The following UGT1A3 variants were observed in gnomAD, a reference collection of about 807,000 sequenced individuals.
UGT1A3 encodes UDP glucuronosyltransferase family 1 member A3.
UGT1A3 carries 31 observed loss-of-function variants against 41.0 expected under a neutral mutation model. The ratio of observed to expected loss-of-function variants is 0.76; its 90% CI spans 0.57 to 1.02. The LOEUF (loss-of-function observed/expected upper bound fraction) is 1.02. Ranked by LOEUF, UGT1A3 falls within the 50% of genes least tolerant of loss-of-function variation. The pLI is 0.00. For missense variants in UGT1A3, 737 were observed against 671.0 expected (o/e 1.10, Z -1.09); for synonymous variants, 262 against 257.6 (o/e 1.02, Z -0.17).
chr2:233,771,304 C>T (rs1274088915), intron 4 of UGT1A3: 1 of 152,118 alleles, frequency 6.6e-6, no homozygotes, highest in Non-Finnish European at 1.5e-5. Flanking sequence ...CTTCCTCCTC[C>T]TTTTCCCTCT....
chr2:233,763,099 C>A (rs1698236353), intron 1 of UGT1A3, among the ~76,000 whole-genome samples: 3 of 152,172 alleles, frequency 2.0e-5, no homozygotes. Flanking sequence ...AGGAGAGGCA[C>A]CGAACTTTAT....
rs926387515 is a variant in UGT1A3 at position 233,772,265 on chromosome 2, C to T, written c.1311C>T (p.Tyr437=). ...ACGAAACTGTCTTTGTGTTTAGTTA[C>T]AAGGAGAACATCATGCGCCTCTCCA... ...ALKAVINDKS[Y]KENIMRLSSL... The change falls in exon 5 of 5, where the codon TAC becomes TAT. Residue 437 remains tyrosine, a synonymous_variant. Coordinates refer to ENST00000482026, the MANE Select transcript of UGT1A3 (RefSeq NM_019093.4). 4 of 1,614,232 alleles carry T rather than the reference C, an allele frequency of 2.5e-6. No homozygotes were observed. The Admixed American group carries it at 6.7e-5, about 27-fold the overall frequency.
chr2:233,768,900 A>G (rs972191736), intron 4 of UGT1A3, among the ~76,000 whole-genome samples: 23 of 152,184 alleles, frequency 1.5e-4, no homozygotes, highest in African/African-American at 5.1e-4. Flanking sequence ...TATAAATAAG[A>G]TAATTTAGAG....
At position 233,767,086 on chromosome 2, in the gene UGT1A3, C is replaced by A. The variant is rs1169717734; in HGVS notation, c.920C>A (p.Ser307Tyr). 2 of 1,614,008 alleles carry A rather than the reference C, an allele frequency of 1.2e-6. No individual in the cohort carries two copies. Among genetic ancestry groups the A allele is most frequent in the Non-Finnish European group, 1.7e-6 (2 of 1,180,008 alleles). Residue 307 changes from serine (S) to tyrosine (Y), a missense_variant, in exon 2 of 5, where the codon TCT becomes TAT. Coordinates refer to ENST00000482026, the MANE Select transcript of UGT1A3 (RefSeq NM_019093.4). ...ASGEHGIVVF[S>Y]LGSMVSEIPE... ...GGAGAACATGGAATTGTGGTTTTCT[C>A]TTTGGGATCAATGGTCTCAGAAATT...
chr2:233,744,538 A>C (rs4663967), intron 1 of UGT1A3, among the ~76,000 whole-genome samples: 82,778 of 151,254 alleles, frequency 0.55, 24,850 homozygotes, highest in African/African-American at 0.8. Context: ...TTTTATGTAA[A>C]TTTTATTAAG....
rs112628426 is a variant in UGT1A3 at position 233,767,948 on chromosome 2, G to A, written c.1087+12G>A. ...AAACGATCTGCTTGGTATGTTGGGC[G>A]GATTGGATGTATAGGTCAAACCAGG... On this transcript the variant is annotated intron_variant, in intron 3 of 4. Transcript: ENST00000482026. 87 of 1,614,164 alleles carry A rather than the reference G, an allele frequency of 5.4e-5. No individual in the cohort carries two copies. The highest frequency in any genetic ancestry group is 6.2e-5 in the Non-Finnish European group (73 of 1,180,040).
rs548179341 is a variant in UGT1A3 at position 233,739,425 on chromosome 2, G to A, written c.867+9432G>A. ...GCCACCCTCTGAAAGCAGCCAGGACGAGGGCTTTACCCTGCAAAGCCACAG... is the reference window on the plus strand; with the variant it reads ...GCCACCCTCTGAAAGCAGCCAGGACAAGGGCTTTACCCTGCAAAGCCACAG... On this transcript the variant is annotated intron_variant, in intron 1 of 4. Transcript: ENST00000482026. Among the ~76,000 whole-genome samples the A allele has an allele frequency of 5.9e-5, 9 of 152,320 alleles. No individual in the cohort carries two copies. The East Asian group carries it at 7.7e-4, about 13-fold the overall frequency.
At position 233,751,264 on chromosome 2, in the gene UGT1A3, CT is replaced by C. The variant is rs1248433988; in HGVS notation, c.868-15763del. Among the ~76,000 whole-genome samples the C allele has an allele frequency of 2.6e-5, 4 of 151,986 alleles. No homozygotes were observed. The East Asian group carries it at 7.7e-4, about 29-fold the overall frequency. On this transcript the variant is annotated intron_variant, in intron 1 of 4. Coordinates refer to ENST00000482026, the MANE Select transcript of UGT1A3 (RefSeq NM_019093.4). ...GGACTTGCATGGGGCCTGTAGCCCC[CT>C]TTTTTTGGCCAGTTTCTCCCATTTG...
rs28900406 is a variant in UGT1A3, at chr2:233,772,385, C to T, written c.1431C>T (p.Pro477=). Residue 477 remains proline (P), a synonymous_variant, in exon 5 of 5, where the codon CCC becomes CCT. Transcript: ENST00000482026. ...MRHKGAPHLR[P]AAHDLTWYQY... ...ACAAGGGCGCGCCACACCTGCGCCC[C>T]GCAGCCCACGACCTCACCTGGTACC... The T allele has an allele frequency of 7.5e-4, 1,213 of 1,614,246 alleles. 13 individuals are homozygous for T. The African/African-American group carries it at 0.014, about 19-fold the overall frequency.
rs61729911 is a variant in UGT1A3 at position 233,743,597 on chromosome 2, T to C, written c.867+13604T>C. 389 of 1,367,326 alleles carry C rather than the reference T, an allele frequency of 2.8e-4. 8 individuals carry two copies. The African/African-American group carries it at 4.3e-3, about 15-fold the overall frequency. 84.7% of individuals were successfully genotyped at this position (1,367,326 alleles called of 1,614,324 possible). A position where few individuals can be genotyped will look rare whatever the true frequency, so the allele number is the denominator to read the frequency against. On this transcript the variant is annotated intron_variant, in intron 1 of 4. Transcript: ENST00000482026. Reference sequence around the variant, plus strand: ...CAAGAGGTCAAAGGAGAATGGGTCCTGGCCGCCGAAGAACTCCCTGAAGAC... The same window carrying C: ...CAAGAGGTCAAAGGAGAATGGGTCCCGGCCGCCGAAGAACTCCCTGAAGAC...
At chr2:233,741,258 T>C (rs1466161832) in intron 1 of UGT1A3, among the ~76,000 whole-genome samples, 3 of 151,876 alleles carry the variant, frequency 2.0e-5, no homozygotes, top group African/African-American at 7.3e-5. Context: ...ATGCCACTCT[T>C]TGCTGACCAC....
intron 1 of UGT1A3, chr2:233,760,931 T>C (rs1360622092): frequency 4.3e-6 from 7 of 1,614,090 alleles, no homozygotes; most frequent in South Asian, 2.2e-5. Flanking sequence ...AACATGCTCA[T>C]TGCCTTTTCA....
chr2:233,749,529 C>T (rs575946575), intron 1 of UGT1A3, among the ~76,000 whole-genome samples: 6 of 151,916 alleles, frequency 3.9e-5, no homozygotes, highest in African/African-American at 9.7e-5. Context: ...GGCTAATTTT[C>T]GAGTGTGGTA....
chr2:233,767,992 C>T, intron 3 of UGT1A3, 56 bp downstream of exon 3: 1 of 1,614,084 alleles, frequency 6.2e-7, no homozygotes, highest in South Asian at 1.1e-5. Flanking sequence ...AAGAAAATGG[C>T]TTAAGCACAG....
rs543813427 is a variant in UGT1A3, at chr2:233,762,081, T to A, written c.868-4953T>A. Among the ~76,000 whole-genome samples, 15 of 152,334 alleles carry A rather than the reference T, an allele frequency of 9.8e-5. No homozygotes were observed. In the South Asian group the frequency reaches 3.1e-3, roughly 32 times the overall value. On this transcript the variant is annotated intron_variant, in intron 1 of 4. Transcript: ENST00000482026. ...TAGCACATCAAATATGGCAGCCATT[T>A]CACTTAGATAGTTGTTGATTGTCCG...
At chr2:233,735,161 A>C (rs139257330) in intron 1 of UGT1A3, among the ~76,000 whole-genome samples, 2,795 of 152,264 alleles carry the variant, frequency 0.018, 41 homozygotes, top group Non-Finnish European at 0.028. Context: ...GTCTCTGTGT[A>C]GGTCTCTAAG....
At position 233,729,923 on chromosome 2, in the gene UGT1A3, C is replaced by T. The variant is rs760546149; in HGVS notation, c.797C>T (p.Pro266Leu). The T allele has an allele frequency of 3.7e-6, 6 of 1,614,016 alleles. No individual in the cohort carries two copies. Among genetic ancestry groups the T allele is most frequent in the Non-Finnish European group, 5.1e-6 (6 of 1,179,914 alleles). Residue 266 changes from proline to leucine, a missense_variant, in exon 1 of 5, where the codon CCC becomes CTC. By Grantham distance (98) the Pro-to-Leu change is moderately conservative. Coordinates refer to ENST00000482026, the MANE Select transcript of UGT1A3 (RefSeq NM_019093.4). Reference protein sequence around the residue: ...LFRGDFVMDYPRPIMPNMVFI... With the variant: ...LFRGDFVMDYLRPIMPNMVFI... Reference sequence around the variant, plus strand: ...CGAGGGGACTTTGTGATGGACTACCCCAGGCCAATCATGCCCAACATGGTC... The same window carrying T: ...CGAGGGGACTTTGTGATGGACTACCTCAGGCCAATCATGCCCAACATGGTC...
chr2:233,754,698 G>A (rs1338338783), intron 1 of UGT1A3: 2 of 506,588 alleles, frequency 3.9e-6, no homozygotes, highest in African/African-American at 2.0e-5. Context: ...AGTGGAAGTC[G>A]ACATGGACTT....
chr2:233,752,292 T>A (rs1364554395), intron 1 of UGT1A3: 1 of 152,220 alleles, frequency 6.6e-6, no homozygotes, highest in Non-Finnish European at 1.5e-5. Flanking sequence ...CACAGGGTCA[T>A]GCCTTTCCTT....
Sources: allele counts gnomAD v4.1 joint callset (sites outside exome capture counted in the v4.1 genomes callset), GRCh38; gene constraint gnomAD v4.1.1; transcripts MANE v1.5; gene names NCBI Gene and HGNC (gene_info 2026-07-23, HGNC 2026-07-21).